The following MRPS6 variants were observed in gnomAD, a reference collection of about 807,000 sequenced individuals.
The protein encoded by MRPS6 is small ribosomal subunit protein bS6m.
Under a neutral mutation model 13.1 loss-of-function variants are expected in MRPS6, and 6 were observed. The observed-to-expected ratio is 0.46, with a 90% CI of 0.25 to 0.91. The LOEUF is 0.91. Among genes scored for constraint, MRPS6 ranks in the 40% least tolerant of loss-of-function variants. The pLI, the probability that MRPS6 is intolerant of heterozygous loss-of-function variation, is 0.18. For synonymous variants in MRPS6, 61 were observed against 56.5 expected (o/e 1.08, Z -0.36); for missense variants, 164 against 155.6 (o/e 1.05, Z -0.29).
rs1191337931 is a variant in MRPS6 at position 34,102,423 on chromosome 21, T to C, written c.46-22918T>C. ...TTCTTTATAAAAAGAGGGATTAGTT[T>C]TTTTGTTTTGGGGTAAGCACCTAAT... On this transcript the variant is annotated intron_variant, in intron 1 of 2. Coordinates refer to ENST00000399312, the MANE Select transcript of MRPS6 (RefSeq NM_032476.4). 6.5e-5 allele frequency: 65 copies of C among 999,994 alleles called. No individual in the cohort carries two copies. In the Admixed American group the frequency reaches 3.9e-3, roughly 61 times the overall value. 61.9% of individuals were successfully genotyped at this position (999,994 alleles called of 1,614,324 possible).
At chr21:34,095,336 G>A (rs1978916751) in intron 1 of MRPS6, 1 of 1,614,150 alleles carries the variant, frequency 6.2e-7, no homozygotes, top group Non-Finnish European at 8.5e-7. Flanking sequence ...GGCGCTCTAT[G>A]ACCTGGGTAG....
intron 1 of MRPS6, among the ~76,000 whole-genome samples, chr21:34,094,007 A>G (rs1223765541): frequency 1.3e-5 from 2 of 152,228 alleles, no homozygotes; most frequent in African/African-American, 4.8e-5. Flanking sequence ...AAAGCATTAA[A>G]AGGAAAACAT....
intron 2 of MRPS6, among the ~76,000 whole-genome samples, chr21:34,126,073 C>A (rs1980292885): frequency 6.6e-6 from 1 of 152,136 alleles, no homozygotes; most frequent in African/African-American, 2.4e-5. Flanking sequence ...TTTGAATCTT[C>A]TCATGTTGTA....
At chr21:34,126,030 T>C (rs748632239) in intron 2 of MRPS6, among the ~76,000 whole-genome samples, 5 of 152,230 alleles carry the variant, frequency 3.3e-5, no homozygotes, top group Non-Finnish European at 7.3e-5. Flanking sequence ...ACTATCTTTG[T>C]AGAAGTTCTT....
chr21:34,095,544 C>A (rs1397085109), intron 1 of MRPS6: 2 of 1,613,648 alleles, frequency 1.2e-6, no homozygotes, highest in South Asian at 2.2e-5. Context: ...CTTGTCCAAG[C>A]GATTTGGTGG....
At chr21:34,093,974 C>G (rs764367642) in intron 1 of MRPS6, among the ~76,000 whole-genome samples, 12 of 152,172 alleles carry the variant, frequency 7.9e-5, no homozygotes, top group Non-Finnish European at 1.8e-4. Flanking sequence ...CCTCTTTTCT[C>G]TGCTTCTTAT....
intron 1 of MRPS6, chr21:34,122,033 C>T (rs921543262): frequency 6.6e-6 from 1 of 152,156 alleles, no homozygotes; most frequent in Non-Finnish European, 1.5e-5. Flanking sequence ...AGTCAGTGGC[C>T]CAGGCTCATG....
chr21:34,078,291 C>G (rs1449001907), intron 1 of MRPS6, among the ~76,000 whole-genome samples: 4 of 152,096 alleles, frequency 2.6e-5, no homozygotes, highest in Non-Finnish European at 1.5e-5. Context: ...GTTATACTTT[C>G]ATTTGGTATT....
intron 2 of MRPS6, among the ~76,000 whole-genome samples, chr21:34,127,642 C>T (rs921596293): frequency 6.6e-6 from 1 of 152,184 alleles, no homozygotes; most frequent in Non-Finnish European, 1.5e-5. Flanking sequence ...TGGGCGATAA[C>T]GTTTATGTGT....
chr21:34,089,163 G>A (rs1332109053), intron 1 of MRPS6, among the ~76,000 whole-genome samples: 1 of 151,052 alleles, frequency 6.6e-6, no homozygotes, highest in African/African-American at 2.4e-5. Context: ...GAGTAGCTGG[G>A]ATTACAGGCG....
At chr21:34,114,233 T>G (rs1332643969) in intron 1 of MRPS6, among the ~76,000 whole-genome samples, 4 of 152,220 alleles carry the variant, frequency 2.6e-5, no homozygotes, top group Non-Finnish European at 5.9e-5. Context: ...TGTTTCTAGC[T>G]GATGCAGTAG....
At chr21:34,128,224 C>T (rs1980376853) in intron 2 of MRPS6, among the ~76,000 whole-genome samples, 1 of 152,104 alleles carries the variant, frequency 6.6e-6, no homozygotes, top group African/African-American at 2.4e-5. Context: ...ACCTAGGCAC[C>T]GGCTGAGGGA....
intron 1 of MRPS6, chr21:34,097,127 GAGAA>G: frequency 3.7e-6 from 6 of 1,614,032 alleles, no homozygotes; most frequent in Non-Finnish European, 5.1e-6. Flanking sequence ...GTGAGAAAGA[GAGAA>G]AGAAAGAAAC....
chr21:34,135,703 G>T, intron 2 of MRPS6: 1 of 394,700 alleles, frequency 2.5e-6, no homozygotes, highest in Non-Finnish European at 5.1e-6. Flanking sequence ...ATTGATGATG[G>T]TGTTCACCAG....
Position 34,142,726 on chromosome 21 carries a change from A to C in MRPS6, c.*126A>C. 1 of 1,202,970 alleles carries C rather than the reference A, an allele frequency of 8.3e-7. No homozygotes were observed. The highest frequency in any genetic ancestry group is 1.1e-6 in the Non-Finnish European group (1 of 915,200). The allele number at this position is 1,202,970 out of a possible 1,614,324, so 74.5% of individuals were successfully genotyped here. ...GTTGCAGGTGCTGTTTGATTTTTCTAAGGTATTTTTAGCCCTTGATCCCCT... is the reference window on the plus strand; with the variant it reads ...GTTGCAGGTGCTGTTTGATTTTTCTCAGGTATTTTTAGCCCTTGATCCCCT... On this transcript the variant is annotated 3_prime_UTR_variant, in exon 3 of 3. Transcript: ENST00000399312.
intron 1 of MRPS6, among the ~76,000 whole-genome samples, chr21:34,083,328 A>G (rs1284296703): frequency 1.3e-5 from 2 of 152,188 alleles, no homozygotes; most frequent in African/African-American, 2.4e-5. Flanking sequence ...GAATCAGTGT[A>G]AGTTCCAGAT....
chr21:34,075,882 T>C (rs1456728267), intron 1 of MRPS6, among the ~76,000 whole-genome samples: 3 of 152,196 alleles, frequency 2.0e-5, no homozygotes, highest in Non-Finnish European at 4.4e-5. Context: ...TCTAGGCTTA[T>C]GAAATGAAAA....
intron 1 of MRPS6, among the ~76,000 whole-genome samples, chr21:34,081,983 G>A (rs1006556851): frequency 2.0e-5 from 3 of 151,768 alleles, no homozygotes; most frequent in African/African-American, 7.3e-5. Context: ...AGGGGTGTGG[G>A]CCTGGTTTTG....
chr21:34,102,251 C>T (rs2148661798), intron 1 of MRPS6: 1 of 999,908 alleles, frequency 1.0e-6, no homozygotes, highest in Non-Finnish European at 1.2e-6. Context: ...GTGAGTCCCA[C>T]ACCATTATTC....
Sources: allele counts gnomAD v4.1 joint callset (sites outside exome capture counted in the v4.1 genomes callset), GRCh38; gene constraint gnomAD v4.1.1; transcripts MANE v1.5; gene names NCBI Gene and HGNC (gene_info 2026-07-23, HGNC 2026-07-21).